Variants in SYTL5 observed in about 807,000 individuals in gnomAD.
SYTL5 encodes the protein synaptotagmin like 5.
A neutral mutation model predicts 55.9 loss-of-function variants in SYTL5; 34 were observed. The observed-to-expected ratio is 0.61, with a 90% CI of 0.46 to 0.81. The LOEUF is 0.81. Among genes scored for constraint, SYTL5 ranks in the 30% least tolerant of loss-of-function variants. SYTL5 has a pLI of 0.00. For synonymous variants in SYTL5, 221 were observed against 188.7 expected (o/e 1.17, Z -1.40); for missense variants, 637 against 546.7 (o/e 1.17, Z -1.65).
chrX:37,993,770 C>A, the SYTL5 span, among the ~76,000 whole-genome samples: 3 of 112,421 alleles, frequency 2.7e-5, no homozygotes, highest in Non-Finnish European at 5.6e-5. Context: ...ACTTAAAGAA[C>A]CTGGAGTGGT....
chrX:37,956,918 G>A, the SYTL5 span, among the ~76,000 whole-genome samples: 2 of 111,655 alleles, frequency 1.8e-5, no homozygotes, highest in Non-Finnish European at 3.8e-5. Context: ...CACTGTACCA[G>A]GGTTGCAATT....
At chrX:37,917,203 A>G in the SYTL5 span, among the ~76,000 whole-genome samples, 139 of 111,585 alleles carry the variant, frequency 1.2e-3, no homozygotes, top group African/African-American at 4.4e-3. Flanking sequence ...AGATTTCTCC[A>G]CCATAAAGTC....
At chrX:37,916,317 C>T in the SYTL5 span, among the ~76,000 whole-genome samples, 1 of 112,387 alleles carries the variant, frequency 8.9e-6, no homozygotes, top group East Asian at 2.8e-4. Context: ...TCCTAACCTT[C>T]CACTAAAACA....
chrX:38,126,462 A>G (rs1937647319), intron 16 of SYTL5, 126 bp from the exon 17 acceptor site: 2 of 630,099 alleles, frequency 3.2e-6, no homozygotes, highest in Non-Finnish European at 4.9e-6. Context: ...CACTATATAT[A>G]CTAAGTGAGA....
At chrX:38,028,505 C>T (rs1934849713) in intron 1 of SYTL5, among the ~76,000 whole-genome samples, 1 of 112,173 alleles carries the variant, frequency 8.9e-6, no homozygotes, top group Non-Finnish European at 1.9e-5. Context: ...CAAGAGTACA[C>T]TTTACTCAAC....
chrX:37,996,477 G>A, the SYTL5 span, among the ~76,000 whole-genome samples: 10 of 112,528 alleles, frequency 8.9e-5, no homozygotes, highest in East Asian at 5.6e-4. Context: ...GAAAACTAAC[G>A]CCCAAGTGGG....
Position 38,126,638 on chromosome X carries a change from C to G in SYTL5, c.2101C>G (p.Gln701Glu). 4 of 1,210,710 alleles carry G rather than the reference C, an allele frequency of 3.3e-6. No homozygotes were observed. The highest frequency in any genetic ancestry group is 4.5e-6 in the Non-Finnish European group (4 of 894,839). Reference protein sequence around the residue: ...VDWMDSQGEEQRLWQKMANNP... With the variant: ...VDWMDSQGEEERLWQKMANNP... ...TTGGATGGACTCTCAGGGGGAAGAGCAGCGCCTTTGGCAGAAGATGGCCAA... is the reference window on the plus strand; with the variant it reads ...TTGGATGGACTCTCAGGGGGAAGAGGAGCGCCTTTGGCAGAAGATGGCCAA... The change falls in exon 17 of 17, where the codon CAG becomes GAG. Residue 701 changes from glutamine (Q) to glutamate (E), a missense_variant. Physicochemically the swap from Gln to Glu is conservative, Grantham distance 29 (BLOSUM62 2). Transcript: ENST00000297875.
chrX:37,965,843 A>G, the SYTL5 span, among the ~76,000 whole-genome samples: 1 of 112,456 alleles, frequency 8.9e-6, no homozygotes, highest in South Asian at 3.6e-4. Context: ...TGGCACTATT[A>G]TCATTATATA....
chrX:37,943,003 C>T, the SYTL5 span, among the ~76,000 whole-genome samples: 1 of 111,660 alleles, frequency 9.0e-6, no homozygotes, highest in Non-Finnish European at 1.9e-5. Flanking sequence ...AAAATTTGAG[C>T]AAGGGTCCTC....
the SYTL5 span, among the ~76,000 whole-genome samples, chrX:37,959,307 G>A: frequency 2.1e-3 from 235 of 111,749 alleles, 2 homozygotes; most frequent in Non-Finnish European, 3.3e-3. Flanking sequence ...CTGACTGTCC[G>A]ACCACCTGCA....
the SYTL5 span, among the ~76,000 whole-genome samples, chrX:37,967,823 G>T: frequency 5.6e-5 from 6 of 108,064 alleles, no homozygotes; most frequent in Non-Finnish European, 9.5e-5. Context: ...CCTTTGTCAC[G>T]CTCCTGGCTT....
At chrX:38,067,162 CTTATAG>C (rs1306885106) in intron 3 of SYTL5, among the ~76,000 whole-genome samples, 1 of 111,588 alleles carries the variant, frequency 9.0e-6, no homozygotes, top group East Asian at 2.8e-4. Context: ...AAATACAAGA[CTTATAG>C]TTATTATTCT....
chrX:38,003,843 C>T (rs1304421545), upstream of SYTL5, among the ~76,000 whole-genome samples: 1 of 112,038 alleles, frequency 8.9e-6, no homozygotes, highest in Non-Finnish European at 1.9e-5. Context: ...AAATCCTCAC[C>T]AGCATTTGTT....
At chrX:37,964,136 A>C in the SYTL5 span, among the ~76,000 whole-genome samples, 1 of 111,200 alleles carries the variant, frequency 9.0e-6, no homozygotes, top group Non-Finnish European at 1.9e-5. Flanking sequence ...AGCTCTTAGG[A>C]ATGGGGTTAG....
At chrX:38,083,816 G>A (rs1054770565) in intron 6 of SYTL5, among the ~76,000 whole-genome samples, 2 of 101,813 alleles carry the variant, frequency 2.0e-5, no homozygotes, top group East Asian at 3.0e-4. Context: ...GTGTTTGTGC[G>A]CATAGGCACT....
At chrX:38,057,326 G>A (rs772666977) in intron 3 of SYTL5, among the ~76,000 whole-genome samples, 2 of 111,179 alleles carry the variant, frequency 1.8e-5, no homozygotes, top group African/African-American at 6.5e-5. Context: ...TTTTTTATTC[G>A]GTTCCATCGG....
At chrX:37,976,805 A>T in the SYTL5 span, among the ~76,000 whole-genome samples, 1 of 107,471 alleles carries the variant, frequency 9.3e-6, no homozygotes, top group African/African-American at 3.4e-5. Flanking sequence ...AATACAAAAA[A>T]AAAAAAAAAA....
intron 2 of SYTL5, among the ~76,000 whole-genome samples, chrX:38,037,951 C>T (rs753384885): frequency 9.0e-6 from 1 of 111,189 alleles, no homozygotes; most frequent in South Asian, 3.8e-4. Flanking sequence ...ACCGGGAGAG[C>T]TGATGCAATA....
At chrX:37,967,792 C>G in the SYTL5 span, among the ~76,000 whole-genome samples, 1 of 109,569 alleles carries the variant, frequency 9.1e-6, no homozygotes, top group South Asian at 3.9e-4. Flanking sequence ...TTTCCAATAA[C>G]CTGTGTTTGA....
Sources: allele counts gnomAD v4.1 joint callset (sites outside exome capture counted in the v4.1 genomes callset), GRCh38; gene constraint gnomAD v4.1.1; transcripts MANE v1.5; gene names NCBI Gene and HGNC (gene_info 2026-07-23, HGNC 2026-07-21).